Variants in CACNG4 observed in about 807,000 individuals in gnomAD.
CACNG4 encodes voltage-dependent calcium channel gamma-4 subunit.
A neutral mutation model predicts 22.9 loss-of-function variants in CACNG4; 8 were observed. The ratio of observed to expected loss-of-function variants is 0.35; its 90% CI spans 0.21 to 0.63. The LOEUF is 0.63. Ranked by LOEUF, CACNG4 falls within the 30% of genes least tolerant of loss-of-function variation. The pLI is 0.72. For synonymous variants in CACNG4, 188 were observed against 191.9 expected (o/e 0.98, Z 0.17); for missense variants, 357 against 455.4 (o/e 0.78, Z 1.97).
chr17:66,970,700 A>G (rs1421227943), intron 1 of CACNG4, among the ~76,000 whole-genome samples: 3 of 152,122 alleles, frequency 2.0e-5, no homozygotes, highest in Non-Finnish European at 4.4e-5. Context: ...TCTAAACCTA[A>G]TCACTTCCCA....
At chr17:66,973,591 C>T (rs564654644) in intron 1 of CACNG4, among the ~76,000 whole-genome samples, 2 of 152,332 alleles carry the variant, frequency 1.3e-5, no homozygotes, top group East Asian at 3.9e-4. Flanking sequence ...ACACAGCCAC[C>T]GTAGCGTGCG....
intron 1 of CACNG4, among the ~76,000 whole-genome samples, chr17:66,996,986 G>A (rs886964490): frequency 3.9e-5 from 6 of 152,170 alleles, no homozygotes; most frequent in Admixed American, 3.3e-4. Flanking sequence ...GAAACAGCAT[G>A]AGCTCCCTGC....
At position 67,030,703 on chromosome 17, in the gene CACNG4, C is replaced by G. The variant is rs762838519; in HGVS notation, c.683C>G (p.Ser228Cys). ...KREFLKASSS[S>C]PYARMPSYRY... is the part of the protein sequence containing the mutation. ...GAATTCCTTAAGGCGTCTTCCTCTT[C>G]TCCTTATGCCAGGATGCCGAGCTAC... Residue 228 changes from serine to cysteine, a missense_variant, in exon 4 of 4, where the codon TCT becomes TGT. Around this residue, in one of 3 missense-constraint regions of CACNG4, gnomAD observed 240 missense variants for 277.6 expected, o/e 0.86. Coordinates refer to ENST00000262138, the MANE Select transcript of CACNG4 (RefSeq NM_014405.4). This position sits in a 1 kb window ranked among gnomAD's most constrained non-coding sequence, Gnocchi z 6.4. 1 of 1,614,242 alleles carries G rather than the reference C, an allele frequency of 6.2e-7. No individual in the cohort carries two copies. The highest frequency in any genetic ancestry group is 8.5e-7 in the Non-Finnish European group (1 of 1,180,046).
chr17:66,965,062 G>A lies in CACNG4; in HGVS notation c.151G>A (p.Gly51Arg). The A allele has an allele frequency of 6.3e-7, 1 of 1,587,566 alleles. No individual in the cohort carries two copies. Among genetic ancestry groups the A allele is most frequent in the Non-Finnish European group, 8.6e-7 (1 of 1,167,292 alleles). ...CNGTNLTMDD[G>R]PPPRRARGDL... The stretch of plus-strand genomic sequence containing the variant: ...CGGCACCAACCTGACCATGGACGAC[G>A]GGCCCCCGCCCCGCCGCGCCCGCGG... The change falls in exon 1 of 4, where the codon GGG becomes AGG. Residue 51 changes from glycine to arginine, a missense_variant. By Grantham distance (125) the Gly-to-Arg change is moderately radical. Transcript: ENST00000262138.
At chr17:67,005,285 C>A (rs770884890) in intron 1 of CACNG4, among the ~76,000 whole-genome samples, 11 of 152,304 alleles carry the variant, frequency 7.2e-5, no homozygotes, top group Non-Finnish European at 1.2e-4. Context: ...TGGCTGGGGG[C>A]AGGGCCATGT....
At chr17:67,019,666 G>A (rs956963522) in intron 2 of CACNG4, among the ~76,000 whole-genome samples, 2 of 152,162 alleles carry the variant, frequency 1.3e-5, no homozygotes, top group African/African-American at 4.8e-5. Flanking sequence ...AAGCTCTGGG[G>A]GCAGATGTGC....
intron 1 of CACNG4, among the ~76,000 whole-genome samples, chr17:66,996,460 A>G (rs1057342864): frequency 6.8e-6 from 1 of 147,396 alleles, no homozygotes; most frequent in African/African-American, 2.5e-5. Context: ...GCTCACTGCA[A>G]CCTCCGCCTC....
intron 1 of CACNG4, among the ~76,000 whole-genome samples, chr17:66,981,728 G>A (rs2035274772): frequency 1.3e-5 from 2 of 152,302 alleles, no homozygotes; most frequent in Admixed American, 6.5e-5. Flanking sequence ...TCTGTTTAGA[G>A]TCCAGAATTA....
intron 1 of CACNG4, among the ~76,000 whole-genome samples, chr17:66,980,349 T>C (rs1194450075): frequency 6.6e-6 from 1 of 152,214 alleles, no homozygotes; most frequent in Non-Finnish European, 1.5e-5. Flanking sequence ...TTATCACATG[T>C]GTAAACCTAA....
intron 1 of CACNG4, among the ~76,000 whole-genome samples, chr17:66,997,931 A>C (rs751814459): frequency 1.3e-5 from 2 of 152,154 alleles, no homozygotes; most frequent in Non-Finnish European, 2.9e-5. Flanking sequence ...GAAGGAAGGG[A>C]AGGAGGAGGA....
intron 1 of CACNG4, among the ~76,000 whole-genome samples, chr17:66,992,298 G>A (rs2143310124): frequency 6.6e-6 from 1 of 152,314 alleles, no homozygotes; most frequent in East Asian, 1.9e-4. Flanking sequence ...GGGACCCCAT[G>A]TTGGATCAAT....
At chr17:66,971,848 C>G (rs1193306056) in intron 1 of CACNG4, among the ~76,000 whole-genome samples, 1 of 152,196 alleles carries the variant, frequency 6.6e-6, no homozygotes, top group East Asian at 1.9e-4. Context: ...TGCTTTATTT[C>G]ACATGAGATC....
intron 1 of CACNG4, among the ~76,000 whole-genome samples, chr17:66,987,549 A>G (rs2035312214): frequency 2.0e-5 from 3 of 152,180 alleles, no homozygotes; most frequent in Non-Finnish European, 4.4e-5. Flanking sequence ...TGAGAAGCCA[A>G]ACAGGAGAAG....
intron 1 of CACNG4, among the ~76,000 whole-genome samples, chr17:67,004,748 G>T (rs980821690): frequency 6.6e-6 from 1 of 151,948 alleles, no homozygotes; most frequent in East Asian, 1.9e-4. Context: ...TTTAAGACAG[G>T]GTCTCAGTCC....
chr17:66,993,597 C>T (rs2143312282), intron 1 of CACNG4, among the ~76,000 whole-genome samples: 1 of 152,264 alleles, frequency 6.6e-6, no homozygotes, highest in East Asian at 1.9e-4. Context: ...AAAAAGTAAC[C>T]ATGTGAGATG....
At chr17:67,017,960 C>T (rs899174161) in intron 1 of CACNG4, among the ~76,000 whole-genome samples, 12 of 152,208 alleles carry the variant, frequency 7.9e-5, no homozygotes, top group Non-Finnish European at 1.3e-4. Flanking sequence ...TGCGTCCACC[C>T]TTGGACCATA....
intron 1 of CACNG4, among the ~76,000 whole-genome samples, chr17:66,971,208 C>T (rs1401676360): frequency 6.6e-6 from 1 of 151,116 alleles, no homozygotes; most frequent in African/African-American, 2.5e-5. Flanking sequence ...GTCGGTGTGG[C>T]CTCATGGAGG....
intron 1 of CACNG4, among the ~76,000 whole-genome samples, chr17:66,994,361 T>TAGC (rs1356850704): frequency 6.6e-6 from 1 of 150,624 alleles, no homozygotes; most frequent in Non-Finnish European, 1.5e-5. Context: ...CCTCCGCTAC[T>TAGC]AGCAGACACG....
chr17:67,024,795 G>A, intron 2 of CACNG4, 65 bp from the exon 3 acceptor site: 1 of 1,421,680 alleles, frequency 7.0e-7, no homozygotes, highest in South Asian at 1.6e-5. Flanking sequence ...GACATACGCA[G>A]CCATGCCCGG....
Sources: allele counts gnomAD v4.1 joint callset (sites outside exome capture counted in the v4.1 genomes callset), GRCh38; gene constraint gnomAD v4.1.1; regional missense constraint gnomAD v4.1.1; non-coding constraint Gnocchi (gnomAD v3.1); transcripts MANE v1.5; gene names NCBI Gene and HGNC (gene_info 2026-07-23, HGNC 2026-07-21).